STOX2: variants seen among roughly 807,000 people sequenced by gnomAD.
STOX2 encodes the protein storkhead-box protein 2.
A neutral mutation model predicts 60.9 loss-of-function variants in STOX2; 28 were observed. The observed-to-expected ratio is 0.46, with a 90% confidence interval of 0.34 to 0.63. STOX2 has a LOEUF of 0.63. STOX2 is among the 30% of genes least tolerant of loss of function. STOX2 has a pLI of 0.01. For synonymous variants in STOX2, 472 were observed against 463.9 expected (o/e 1.02, Z -0.22); for missense variants, 1,024 against 1,187.7 (o/e 0.86, Z 2.03).
intron 1 of STOX2, among the ~76,000 whole-genome samples, chr4:183,918,503 G>A (rs1435081625): frequency 2.0e-5 from 3 of 152,232 alleles, no homozygotes; most frequent in African/African-American, 7.2e-5. Context: ...TGCGAGTTCA[G>A]CTGCGTGTTT....
At chr4:183,866,539 G>T (rs954413551) in intron 1 of STOX2, among the ~76,000 whole-genome samples, 43 of 152,124 alleles carry the variant, frequency 2.8e-4, no homozygotes, top group African/African-American at 1.0e-3. Flanking sequence ...AGGGGGAGGG[G>T]CTGGGATATA....
intron 1 of STOX2, among the ~76,000 whole-genome samples, chr4:183,899,256 A>G (rs547306739): frequency 3.3e-4 from 50 of 152,282 alleles, no homozygotes; most frequent in African/African-American, 1.1e-3. Flanking sequence ...AACTAGGCCA[A>G]TTAATAACCC....
chr4:183,823,267 A>C (rs1257703365), intron 1 of STOX2, among the ~76,000 whole-genome samples: 3 of 152,088 alleles, frequency 2.0e-5, no homozygotes, highest in Admixed American at 6.5e-5. Flanking sequence ...GTGGTGGTGG[A>C]TGCCTGTAGT....
At chr4:183,921,637 A>G (rs1742101348) in intron 1 of STOX2, among the ~76,000 whole-genome samples, 2 of 152,236 alleles carry the variant, frequency 1.3e-5, no homozygotes, top group African/African-American at 4.8e-5. Flanking sequence ...TAGCACCTAC[A>G]TAATCCTTGG....
In STOX2 at chr4:183,934,664, C is replaced by CT. The variant is rs200738347; in HGVS notation, c.166+27717dup. ...GGCCTTGTCAGCCTCAACGAGCCTC[C>CT]TTTTTTTTTCAAACAACAACAACAA... On this transcript the variant is annotated intron_variant, in intron 1 of 3. Coordinates refer to ENST00000308497, the MANE Select transcript of STOX2 (RefSeq NM_020225.3). Among the ~76,000 whole-genome samples the CT allele has an allele frequency of 2.3e-4, 35 of 151,142 alleles. 1 individual carries two copies. Among genetic ancestry groups the CT allele is most frequent in the African/African-American group, 7.3e-4 (30 of 41,110 alleles).
chr4:183,998,064 C>T (rs1231200704), intron 1 of STOX2, among the ~76,000 whole-genome samples: 2 of 152,156 alleles, frequency 1.3e-5, no homozygotes, highest in East Asian at 3.8e-4. Context: ...GTTCGAGTTT[C>T]CTCTTATGAC....
At position 184,009,338 on chromosome 4, in the gene STOX2, G is replaced by C. The variant is rs761675581; in HGVS notation, c.500G>C (p.Arg167Pro). ...CATTTGGACGAGAGGATACCTGACC[G>C]GTCTCAGTGCACCTCTCCGCAACCC... Reference protein sequence around the residue: ...WYHLDERIPDRSQCTSPQPGT... With the variant: ...WYHLDERIPDPSQCTSPQPGT... The change falls in exon 3 of 4, where the codon CGG becomes CCG. Residue 167 changes from arginine to proline, a missense_variant. Coordinates refer to ENST00000308497, the MANE Select transcript of STOX2 (RefSeq NM_020225.3). The surrounding 1 kb of genome is among the most constrained non-coding windows in gnomAD (Gnocchi z 4.0). The C allele has an allele frequency of 4.3e-6, 7 of 1,613,830 alleles. No homozygotes were observed. The highest frequency in any genetic ancestry group is 2.2e-5 in the South Asian group (2 of 91,054).
chr4:183,990,726 A>T (rs1326581648), intron 1 of STOX2, among the ~76,000 whole-genome samples: 3 of 150,756 alleles, frequency 2.0e-5, no homozygotes, highest in Non-Finnish European at 4.4e-5. Flanking sequence ...AGAAGTTGTG[A>T]TGGTTCTTAC....
At chr4:183,899,474 C>A (rs535266834) in intron 1 of STOX2, among the ~76,000 whole-genome samples, 3 of 152,152 alleles carry the variant, frequency 2.0e-5, no homozygotes, top group African/African-American at 7.2e-5. Context: ...AATGAACACA[C>A]GAATGATAAG....
intron 1 of STOX2, among the ~76,000 whole-genome samples, chr4:183,872,433 G>A (rs1740714993): frequency 6.6e-6 from 1 of 152,118 alleles, no homozygotes; most frequent in African/African-American, 2.4e-5. Context: ...TTGCTGCATA[G>A]ACTCTAAAGG....
At chr4:183,857,797 G>T (rs1272002583) in intron 1 of STOX2, among the ~76,000 whole-genome samples, 1 of 152,014 alleles carries the variant, frequency 6.6e-6, no homozygotes, top group Non-Finnish European at 1.5e-5. Context: ...GTCCTTGTTT[G>T]CATCGATGCT....
At chr4:183,927,361 C>G (rs1184043980) in intron 1 of STOX2, among the ~76,000 whole-genome samples, 2 of 152,178 alleles carry the variant, frequency 1.3e-5, no homozygotes, top group African/African-American at 4.8e-5. Context: ...CAATGTAAAA[C>G]CTTGAGGACA....
At chr4:183,972,119 C>A (rs180897308) in intron 1 of STOX2, among the ~76,000 whole-genome samples, 1 of 152,328 alleles carries the variant, frequency 6.6e-6, no homozygotes, top group Admixed American at 6.5e-5. Flanking sequence ...ATAGCCAGTC[C>A]TGCACAGCGG....
At chr4:183,838,571 T>A (rs1231349795) in intron 1 of STOX2, among the ~76,000 whole-genome samples, 2 of 152,234 alleles carry the variant, frequency 1.3e-5, no homozygotes, top group African/African-American at 4.8e-5. Flanking sequence ...TATGAGCAAA[T>A]CAAGTTGCTT....
At chr4:183,853,005 G>A (rs1157723598) in intron 1 of STOX2, among the ~76,000 whole-genome samples, 1 of 152,156 alleles carries the variant, frequency 6.6e-6, no homozygotes, top group African/African-American at 2.4e-5. Flanking sequence ...CTTTGGAGTG[G>A]GAAAGGCAGT....
At chr4:183,841,178 A>AGTAT (rs1358080723) in intron 1 of STOX2, among the ~76,000 whole-genome samples, 5 of 137,508 alleles carry the variant, frequency 3.6e-5, no homozygotes, top group African/African-American at 1.4e-4. Context: ...TTTTCATCGT[A>AGTAT]GTATTTATTT....
chr4:183,858,078 A>G (rs1417018850), intron 1 of STOX2, among the ~76,000 whole-genome samples: 1 of 152,122 alleles, frequency 6.6e-6, no homozygotes, highest in Non-Finnish European at 1.5e-5. Context: ...TCCCCAGCAC[A>G]GCTGGAAGGG....
At chr4:183,817,073 C>G (rs1041719112) in intron 1 of STOX2, among the ~76,000 whole-genome samples, 1 of 152,176 alleles carries the variant, frequency 6.6e-6, no homozygotes, top group African/African-American at 2.4e-5. Context: ...GCACATGCCT[C>G]AAGTCATGAG....
At position 183,931,469 on chromosome 4, in the gene STOX2, G is replaced by A. The variant is rs116365577; in HGVS notation, c.166+24513G>A. On this transcript the variant is annotated intron_variant, in intron 1 of 3. Transcript: ENST00000308497. ...AAACTGTGGAGCTACCATATTCCTGGTATTATCTTCTGTTGATTTATTCAG... is the reference window on the plus strand; with the variant it reads ...AAACTGTGGAGCTACCATATTCCTGATATTATCTTCTGTTGATTTATTCAG... Among the ~76,000 whole-genome samples, 132 of 152,046 alleles carry A rather than the reference G, an allele frequency of 8.7e-4. 1 individual carries two copies. Among genetic ancestry groups the A allele is most frequent in the African/African-American group, 2.9e-3 (122 of 41,456 alleles).
Sources: gnomAD v4.1 joint callset for allele counts (sites outside exome capture counted in the v4.1 genomes callset) on GRCh38, gnomAD v4.1.1 for gene constraint, Gnocchi (gnomAD v3.1) non-coding constraint, MANE v1.5 for transcripts, NCBI Gene and HGNC (gene_info 2026-07-23, HGNC 2026-07-21) for gene names.